The following PCNX2 variants were observed in gnomAD, a reference collection of about 807,000 sequenced individuals.
The protein encoded by PCNX2 is pecanex-like protein 2.
Under a neutral mutation model 223.8 loss-of-function variants are expected in PCNX2, and 168 were observed. The observed-to-expected ratio is 0.75, with a 90% CI of 0.66 to 0.85. PCNX2 has a LOEUF of 0.85. PCNX2 is among the 40% of genes least tolerant of loss of function. PCNX2 has a pLI of 0.00. For synonymous variants in PCNX2, 1,006 were observed against 1,052.6 expected (o/e 0.96, Z 0.86); for missense variants, 2,507 against 2,675.5 (o/e 0.94, Z 1.39).
chr1:233,073,157 G>A (rs1208551641), intron 23 of PCNX2, among the ~76,000 whole-genome samples: 1 of 151,864 alleles, frequency 6.6e-6, no homozygotes, highest in Non-Finnish European at 1.5e-5. Flanking sequence ...TTTCATCTAG[G>A]TTACCTAATT....
At chr1:233,067,533 G>A (rs1263085270) in intron 23 of PCNX2, among the ~76,000 whole-genome samples, 3 of 151,788 alleles carry the variant, frequency 2.0e-5, no homozygotes, top group African/African-American at 7.3e-5. Context: ...AAGTGCAGTG[G>A]CACCATCTCA....
intron 1 of PCNX2, among the ~76,000 whole-genome samples, chr1:233,292,202 CTTTTTTTTTTTTT>C (rs963996089): frequency 1.5e-3 from 160 of 109,490 alleles, no homozygotes; most frequent in Non-Finnish European, 2.4e-3. Flanking sequence ...TTCTTTCTTT[CTTTTTTTTTTTTT>C]TTTTTTTTTG....
In PCNX2 at chr1:233,064,152, G is replaced by A. The variant is rs543236079; in HGVS notation, c.4077-6862C>T. 2.6e-3 allele frequency among the ~76,000 whole-genome samples: 388 copies of A among 151,732 alleles called. 2 individuals carry two copies. Among genetic ancestry groups the A allele is most frequent in the Non-Finnish European group, 3.4e-3 (229 of 67,958 alleles). ...AGTGAATATTTTTCTTTTGTATTGC[G>A]TAGTACTGGATTGAGAGCTCCTTTC... On this transcript the variant is annotated intron_variant, in intron 23 of 33. Transcript: ENST00000258229.
At chr1:233,067,446 A>G (rs1446098020) in intron 23 of PCNX2, among the ~76,000 whole-genome samples, 1 of 149,498 alleles carries the variant, frequency 6.7e-6, no homozygotes, top group Non-Finnish European at 1.5e-5. Context: ...AGAAGAATCA[A>G]ATAATAATTT....
chr1:233,157,237 C>A (rs1031017979), intron 19 of PCNX2, among the ~76,000 whole-genome samples: 1 of 152,114 alleles, frequency 6.6e-6, no homozygotes, highest in African/African-American at 2.4e-5. Context: ...TGATTGCCCA[C>A]CCAGAATGAG....
chr1:233,184,318 C>T (rs1292137357), intron 15 of PCNX2, among the ~76,000 whole-genome samples: 3 of 151,878 alleles, frequency 2.0e-5, no homozygotes, highest in Non-Finnish European at 4.4e-5. Flanking sequence ...GTGGAAGGCA[C>T]TTAATTTCTC....
At chr1:233,213,459 T>C (rs1681932923) in intron 12 of PCNX2, among the ~76,000 whole-genome samples, 1 of 152,216 alleles carries the variant, frequency 6.6e-6, no homozygotes, top group South Asian at 2.1e-4. Flanking sequence ...TATCATATTG[T>C]GACTAATGCT....
At chr1:233,294,009 T>C (rs1661925417) in intron 1 of PCNX2, 1 of 984,622 alleles carries the variant, frequency 1.0e-6, no homozygotes, top group African/African-American at 1.7e-5. Context: ...ATTGCAGGGT[T>C]TCCAAGCAGT....
At chr1:233,141,815 T>A (rs1677143906) in intron 19 of PCNX2, among the ~76,000 whole-genome samples, 1 of 148,118 alleles carries the variant, frequency 6.8e-6, no homozygotes, top group Non-Finnish European at 1.5e-5. Context: ...GAAGAGAGAC[T>A]TGGCATTTAG....
chr1:233,147,950 AC>A lies in PCNX2; in HGVS notation c.3518-8096del, dbSNP rs1409178611. On this transcript the variant is annotated intron_variant, in intron 19 of 33. Coordinates refer to ENST00000258229, the MANE Select transcript of PCNX2 (RefSeq NM_014801.4). ...AACCAGTTAATTCATAAGTTACAAAACCTTTACTATTATTTTTATAGGAACA... is the reference window on the plus strand; with the variant it reads ...AACCAGTTAATTCATAAGTTACAAAACTTTACTATTATTTTTATAGGAACA... Among the ~76,000 whole-genome samples, 3 of 152,336 alleles carry A rather than the reference AC, an allele frequency of 2.0e-5. No individual in the cohort carries two copies. The East Asian group carries it at 5.8e-4, about 29-fold the overall frequency.
At chr1:233,172,300 T>C in intron 17 of PCNX2, 6 of 963,708 alleles carry the variant, frequency 6.2e-6, no homozygotes, top group Non-Finnish European at 7.4e-6. Context: ...AAGGCAACCT[T>C]CTAGAAAGGA....
At chr1:233,046,312 G>A (rs1181707225) in intron 25 of PCNX2, among the ~76,000 whole-genome samples, 1 of 152,102 alleles carries the variant, frequency 6.6e-6, no homozygotes, top group African/African-American at 2.4e-5. Context: ...AACTGAAAAG[G>A]AAAATGCTGA....
chr1:233,234,692 A>G (rs1413845741), intron 9 of PCNX2, among the ~76,000 whole-genome samples: 1 of 152,212 alleles, frequency 6.6e-6, no homozygotes, highest in African/African-American at 2.4e-5. Context: ...TCTACTCATG[A>G]AATCAATGGC....
intron 5 of PCNX2, among the ~76,000 whole-genome samples, chr1:233,254,061 A>C (rs1008866247): frequency 3.3e-5 from 5 of 152,246 alleles, no homozygotes; most frequent in Non-Finnish European, 7.3e-5. Flanking sequence ...GATCTGCCTA[A>C]GCCCTCAGAA....
chr1:233,227,583 C>T (rs754614187), intron 9 of PCNX2, among the ~76,000 whole-genome samples: 9 of 152,246 alleles, frequency 5.9e-5, no homozygotes, highest in Admixed American at 3.3e-4. Flanking sequence ...CAACAAAAAG[C>T]GCTTTTCTTA....
chr1:233,063,823 A>G (rs1340413903), intron 23 of PCNX2, among the ~76,000 whole-genome samples: 1 of 151,858 alleles, frequency 6.6e-6, no homozygotes, highest in African/African-American at 2.4e-5. Context: ...AATATTTCCC[A>G]TTTCTTTATC....
chr1:233,238,777 A>G (rs1658575673), intron 8 of PCNX2, among the ~76,000 whole-genome samples: 1 of 152,126 alleles, frequency 6.6e-6, no homozygotes, highest in African/African-American at 2.4e-5. Flanking sequence ...CATATAAAGA[A>G]CCGCTTAGGA....
At chr1:233,151,670 T>TTTTA (rs1160591260) in intron 19 of PCNX2, among the ~76,000 whole-genome samples, 6 of 151,052 alleles carry the variant, frequency 4.0e-5, no homozygotes, top group South Asian at 4.1e-4. Context: ...TCTTTCTATC[T>TTTTA]TTTATTTATT....
At chr1:233,279,826 T>C (rs1661097382) in intron 1 of PCNX2, among the ~76,000 whole-genome samples, 3 of 152,212 alleles carry the variant, frequency 2.0e-5, no homozygotes, top group Admixed American at 6.5e-5. Flanking sequence ...TCAGGAGGCC[T>C]AGAAAGTCAT....
Sources: gnomAD v4.1 joint callset for allele counts (sites outside exome capture counted in the v4.1 genomes callset) on GRCh38, gnomAD v4.1.1 for gene constraint, MANE v1.5 for transcripts, NCBI Gene and HGNC (gene_info 2026-07-23, HGNC 2026-07-21) for gene names.